Variants in SLC41A2 observed in about 807,000 individuals in gnomAD.
SLC41A2 encodes the protein solute carrier family 41 member 2, also known as SLC41A1-like 1.
SLC41A2 carries 32 observed loss-of-function variants against 58.3 expected under a neutral mutation model. That is an observed-to-expected ratio of 0.55 (90% CI 0.41 to 0.74). The LOEUF is 0.74. Among genes scored for constraint, SLC41A2 ranks in the 30% least tolerant of loss-of-function variants. The pLI, the probability that SLC41A2 is intolerant of heterozygous loss-of-function variation, is 0.00. For synonymous variants in SLC41A2, 190 were observed against 235.0 expected (o/e 0.81, Z 1.75); for missense variants, 514 against 680.6 (o/e 0.76, Z 2.72).
In SLC41A2 at chr12:104,928,277, A is replaced by G. The variant is rs1242329030; in HGVS notation, c.251T>C (p.Met84Thr). 5 of 1,613,546 alleles carry G rather than the reference A, an allele frequency of 3.1e-6. No individual in the cohort carries two copies. In the African/African-American group the frequency reaches 5.3e-5, roughly 17 times the overall value. Residue 84 changes from methionine (M) to threonine (T), a missense_variant, in exon 2 of 11, where the codon ATG becomes ACG. Around this residue, in one of 3 missense-constraint regions of SLC41A2, gnomAD observed 336 missense variants for 430.0 expected, o/e 0.78. Coordinates refer to ENST00000258538, the MANE Select transcript of SLC41A2 (RefSeq NM_001352171.3). ...QTFSNRSEQH[M>T]EYHSFSEQSF... Reference sequence around the variant, plus strand: ...CTGCTCTGAGAAACTGTGATACTCCATGTGTTGCTCAGATCTATTACTAAA... The same window carrying G: ...CTGCTCTGAGAAACTGTGATACTCCGTGTGTTGCTCAGATCTATTACTAAA...
chr12:104,943,941 C>T (rs865999501), intron 1 of SLC41A2, among the ~76,000 whole-genome samples: 42 of 152,118 alleles, frequency 2.8e-4, no homozygotes, highest in African/African-American at 9.7e-4. Flanking sequence ...GGACAATGAT[C>T]GGGATATAAA....
chr12:104,892,463 T>C (rs572543886), intron 4 of SLC41A2, among the ~76,000 whole-genome samples: 1 of 152,050 alleles, frequency 6.6e-6, no homozygotes, highest in African/African-American at 2.4e-5. Flanking sequence ...ATGTAATCCC[T>C]ATCAAAATGC....
In SLC41A2 at chr12:104,805,277, C is replaced by T. The variant is rs750412859; in HGVS notation, c.1597G>A (p.Asp533Asn). Residue 533 changes from aspartate to asparagine, a missense_variant, in exon 11 of 11, where the codon GAC becomes AAC. Physicochemically the swap from Asp to Asn is conservative, Grantham distance 23. Transcript: ENST00000258538. ...TAGGGGATGGAGAAACTATCCGGGT[C>T]CTTTCCTTTCCTCCAGAAGTGATGG... Reference protein sequence around the residue: ...MVHHFWRKGKDPDSFSIPYLT... With the variant: ...MVHHFWRKGKNPDSFSIPYLT... The T allele has an allele frequency of 6.2e-7, 1 of 1,613,824 alleles. No individual in the cohort carries two copies. Among genetic ancestry groups the T allele is most frequent in the East Asian group, 2.2e-5 (1 of 44,884 alleles).
chr12:104,926,609 A>T (rs1402401704), intron 2 of SLC41A2, among the ~76,000 whole-genome samples: 3 of 151,876 alleles, frequency 2.0e-5, no homozygotes, highest in Admixed American at 6.6e-5. Context: ...AAAAAAAAAG[A>T]GAATACCTAC....
intron 3 of SLC41A2, among the ~76,000 whole-genome samples, chr12:104,905,465 A>T (rs991079096): frequency 5.9e-5 from 9 of 152,210 alleles, no homozygotes; most frequent in African/African-American, 2.2e-4. Context: ...TGGATCCCGC[A>T]CCGGGGCTGC....
intron 2 of SLC41A2, among the ~76,000 whole-genome samples, chr12:104,923,265 G>C (rs2046684370): frequency 6.7e-6 from 1 of 148,158 alleles, no homozygotes; most frequent in Non-Finnish European, 1.5e-5. Context: ...AGGAGGCTGA[G>C]GCAGGAGAAT....
At chr12:104,947,716 A>G (rs1424207935) in intron 1 of SLC41A2, among the ~76,000 whole-genome samples, 1 of 152,172 alleles carries the variant, frequency 6.6e-6, no homozygotes, top group Non-Finnish European at 1.5e-5. Context: ...ACCAAAAAGT[A>G]CAAGTCTTCA....
At chr12:104,938,990 T>A (rs2135935713) in intron 1 of SLC41A2, among the ~76,000 whole-genome samples, 1 of 152,244 alleles carries the variant, frequency 6.6e-6, no homozygotes, top group East Asian at 1.9e-4. Context: ...TCCTAAAAAA[T>A]AAGTATACAT....
At chr12:104,882,484 T>G (rs532612688) in intron 6 of SLC41A2, among the ~76,000 whole-genome samples, 1 of 152,312 alleles carries the variant, frequency 6.6e-6, no homozygotes, top group South Asian at 2.1e-4. Flanking sequence ...GTTTAGTGCT[T>G]CCTTCAGGAG....
chr12:104,877,829 T>C (rs2044128568), intron 6 of SLC41A2, among the ~76,000 whole-genome samples: 1 of 151,880 alleles, frequency 6.6e-6, no homozygotes, highest in Non-Finnish European at 1.5e-5. Flanking sequence ...TGAAACCCCG[T>C]CTCTACTAAA....
chr12:104,892,541 A>C (rs1430394221), intron 4 of SLC41A2, among the ~76,000 whole-genome samples: 1 of 152,122 alleles, frequency 6.6e-6, no homozygotes, highest in Admixed American at 6.6e-5. Flanking sequence ...AAAAAGACTC[A>C]GAATAGTCAA....
chr12:104,940,463 G>A (rs141875269), intron 1 of SLC41A2, among the ~76,000 whole-genome samples: 2,244 of 150,356 alleles, frequency 0.015, 67 homozygotes, highest in African/African-American at 0.052. Context: ...TAACCTGCAC[G>A]TTGTGCACAT....
intron 10 of SLC41A2, among the ~76,000 whole-genome samples, chr12:104,818,612 C>T (rs1253655645): frequency 6.6e-6 from 1 of 152,144 alleles, no homozygotes; most frequent in Admixed American, 6.6e-5. Flanking sequence ...GGTGCGGTGG[C>T]TCATACCTGT....
intron 2 of SLC41A2, among the ~76,000 whole-genome samples, chr12:104,911,519 T>G (rs1401925562): frequency 6.6e-6 from 1 of 152,198 alleles, no homozygotes; most frequent in Non-Finnish European, 1.5e-5. Flanking sequence ...CAGTAAGATA[T>G]TTTATGAGCT....
chr12:104,824,363 C>A (rs944173350), intron 10 of SLC41A2, among the ~76,000 whole-genome samples: 3 of 152,100 alleles, frequency 2.0e-5, no homozygotes, highest in African/African-American at 4.8e-5. Flanking sequence ...CAGGCACCAG[C>A]ATGCAAGCAG....
At position 104,804,611 on chromosome 12, in the gene SLC41A2, C is replaced by CTT. The variant is rs2040827119; in HGVS notation, c.*539_*540dup. On this transcript the variant is annotated 3_prime_UTR_variant, in exon 11 of 11. Transcript: ENST00000258538. ...TAGATGGAGGTAAAAGTGAGTTTAT[C>CTT]TTATGCTCAGCAAAACATATTTAGG... 1 of 152,288 alleles carries CTT rather than the reference C, an allele frequency of 6.6e-6. No individual in the cohort carries two copies. The highest frequency in any genetic ancestry group is 1.5e-5 in the Non-Finnish European group (1 of 68,076). 9.4% of individuals were successfully genotyped at this position (152,288 alleles called of 1,614,324 possible).
At chr12:104,825,372 C>T (rs7358753) in intron 10 of SLC41A2, among the ~76,000 whole-genome samples, 2,874 of 152,276 alleles carry the variant, frequency 0.019, 86 homozygotes, top group African/African-American at 0.066. Context: ...ACAGATAGGG[C>T]GCTTCTCGCC....
intron 2 of SLC41A2, among the ~76,000 whole-genome samples, chr12:104,913,698 G>A (rs1004256196): frequency 2.6e-5 from 4 of 152,168 alleles, no homozygotes; most frequent in African/African-American, 4.8e-5. Context: ...TTCCCAGACT[G>A]TCAGAATGGC....
At chr12:104,904,105 C>T (rs1033244502) in intron 3 of SLC41A2, among the ~76,000 whole-genome samples, 1 of 152,162 alleles carries the variant, frequency 6.6e-6, no homozygotes, top group Non-Finnish European at 1.5e-5. Flanking sequence ...AACCAGATTC[C>T]CTACAGCATG....
Sources: gnomAD v4.1 joint callset for allele counts (sites outside exome capture counted in the v4.1 genomes callset) on GRCh38, gnomAD v4.1.1 for gene constraint, gnomAD v4.1.1 regional missense constraint, MANE v1.5 for transcripts, NCBI Gene and HGNC (gene_info 2026-07-23, HGNC 2026-07-21) for gene names.